The following VWA8 variants were observed in gnomAD, a reference collection of about 807,000 sequenced individuals.
The protein encoded by VWA8 is von Willebrand factor A domain containing 8.
VWA8 carries 221 observed loss-of-function variants against 241.5 expected under a neutral mutation model. The observed-to-expected ratio is 0.91, with a 90% CI of 0.82 to 1.02. The LOEUF (loss-of-function observed/expected upper bound fraction) is 1.02. VWA8 is among the 50% of genes least tolerant of loss of function. The pLI is 0.00. For synonymous variants in VWA8, 852 were observed against 827.1 expected, an observed-to-expected ratio of 1.03 and a Z score of -0.52; for missense variants, 2,322 against 2,328.7, an observed-to-expected ratio of 1.00 and a Z score of 0.06.
intron 20 of VWA8, 47 bp downstream of exon 20, chr13:41,777,938 G>T (rs747407469): frequency 1.4e-6 from 2 of 1,474,662 alleles, no homozygotes; most frequent in Non-Finnish European, 1.9e-6. Context: ...CTTTTAAATT[G>T]TTACTATCAT....
intron 21 of VWA8, among the ~76,000 whole-genome samples, chr13:41,739,452 A>T (rs966781158): frequency 6.6e-6 from 1 of 152,220 alleles, no homozygotes; most frequent in Non-Finnish European, 1.5e-5. Context: ...AACTTACTAT[A>T]TAAGTTGCAT....
chr13:41,833,622 C>G, intron 12 of VWA8, 91 bp from the exon 13 acceptor site: 1 of 1,356,820 alleles, frequency 7.4e-7, no homozygotes, highest in South Asian at 1.8e-5. Context: ...AGAGTCACCT[C>G]CGTCTGAACT....
intron 37 of VWA8, among the ~76,000 whole-genome samples, chr13:41,670,690 T>C (rs771270936): frequency 1.1e-4 from 16 of 152,210 alleles, no homozygotes; most frequent in Non-Finnish European, 2.1e-4. Flanking sequence ...TAAAAGCTGC[T>C]GATTGTATTC....
intron 12 of VWA8, among the ~76,000 whole-genome samples, chr13:41,855,655 C>G (rs1018409795): frequency 6.6e-6 from 1 of 151,926 alleles, no homozygotes; most frequent in Non-Finnish European, 1.5e-5. Context: ...CAGTGGTTGC[C>G]AGGGGCTGGG....
chr13:41,685,841 C>T (rs2045132702), intron 34 of VWA8, among the ~76,000 whole-genome samples: 1 of 152,080 alleles, frequency 6.6e-6, no homozygotes. Flanking sequence ...CTAGATTTAA[C>T]TCTTCTGGAA....
chr13:41,829,530 T>TACACACACAC (rs71096546), intron 14 of VWA8, among the ~76,000 whole-genome samples: 247 of 139,824 alleles, frequency 1.8e-3, no homozygotes, highest in East Asian at 0.012. Flanking sequence ...GGAAATGTGA[T>TACACACACAC]ACACACACAC....
intron 17 of VWA8, among the ~76,000 whole-genome samples, chr13:41,798,989 TTC>T (rs1431941667): frequency 6.6e-6 from 1 of 152,210 alleles, no homozygotes; most frequent in South Asian, 2.1e-4. Flanking sequence ...ATTGAAAAAG[TTC>T]TGTTTGTTTG....
intron 9 of VWA8, among the ~76,000 whole-genome samples, chr13:41,880,955 T>C (rs1874141719): frequency 6.6e-6 from 1 of 152,180 alleles, no homozygotes; most frequent in Admixed American, 6.5e-5. Context: ...CTAAATTAAC[T>C]GCCACTCTGA....
chr13:41,768,949 G>A (rs1355077078), intron 20 of VWA8, among the ~76,000 whole-genome samples: 1 of 147,796 alleles, frequency 6.8e-6, no homozygotes, highest in African/African-American at 2.5e-5. Context: ...TACTGCCCAC[G>A]CTGGAGTTAG....
rs189232529 is a variant in VWA8 at position 41,852,229 on chromosome 13, C to G, written c.1425+13507G>C. 3.9e-5 allele frequency among the ~76,000 whole-genome samples: 6 copies of G among 152,210 alleles called. No homozygotes were observed. The East Asian group carries it at 1.2e-3, about 29-fold the overall frequency. ...ACCTGTTGGCCATTTGTATGTCCAA[C>G]AAGTATATTTTAAAATGCCTGAGAA... On this transcript the variant is annotated intron_variant, in intron 12 of 44. Transcript: ENST00000379310.
intron 37 of VWA8, among the ~76,000 whole-genome samples, chr13:41,646,033 C>G (rs1463871601): frequency 6.7e-6 from 1 of 148,640 alleles, no homozygotes; most frequent in East Asian, 2.0e-4. Context: ...ATGGCACAAT[C>G]TAGGCTTACC....
intron 2 of VWA8, among the ~76,000 whole-genome samples, chr13:41,941,361 TA>T (rs1877588973): frequency 6.6e-6 from 1 of 152,222 alleles, no homozygotes; most frequent in Admixed American, 6.5e-5. Flanking sequence ...AAGGAATGAC[TA>T]ATGCTATCCT....
intron 40 of VWA8, among the ~76,000 whole-genome samples, chr13:41,601,563 G>C (rs1453883150): frequency 6.6e-6 from 1 of 152,116 alleles, no homozygotes; most frequent in Non-Finnish European, 1.5e-5. Context: ...TTAAAATCAA[G>C]TGGTTTTTTG....
chr13:41,592,210 G>A lies in VWA8; in HGVS notation c.4987-1445C>T, dbSNP rs1330193429. ...AAATCATCATTCTCAGTAAACTATC[G>A]CAAGAACAAAAAACCAAACACCGCA... On this transcript the variant is annotated intron_variant, in intron 40 of 44. Transcript: ENST00000379310. Among the ~76,000 whole-genome samples, 13 of 137,846 alleles carry A rather than the reference G, an allele frequency of 9.4e-5. No homozygotes were observed. In the East Asian group the frequency reaches 1.1e-3, roughly 12 times the overall value. The allele number at this position is 137,846 out of a possible 152,430, so 90.4% of individuals were successfully genotyped here. A position where few individuals can be genotyped will look rare whatever the true frequency, so the allele number is the denominator to read the frequency against.
intron 22 of VWA8, 135 bp from the exon 23 acceptor site, chr13:41,729,812 C>G: frequency 2.0e-6 from 1 of 507,012 alleles, no homozygotes; most frequent in East Asian, 3.7e-5. Context: ...CACACACACA[C>G]ACACACACAC....
chr13:41,890,186 A>G (rs1874762724), intron 5 of VWA8, among the ~76,000 whole-genome samples: 2 of 152,246 alleles, frequency 1.3e-5, no homozygotes, highest in Non-Finnish European at 2.9e-5. Flanking sequence ...CATCAGTTCA[A>G]TCAGACCCTC....
At chr13:41,947,762 C>T (rs1292001801) in intron 2 of VWA8, among the ~76,000 whole-genome samples, 2 of 151,604 alleles carry the variant, frequency 1.3e-5, no homozygotes, top group Admixed American at 6.6e-5. Context: ...TGGTGAAACC[C>T]CATCTCTACC....
At chr13:41,703,253 C>CA in intron 27 of VWA8, 50 bp downstream of exon 27, 1 of 1,490,416 alleles carries the variant, frequency 6.7e-7, no homozygotes, top group Non-Finnish European at 9.3e-7. Context: ...GAAGATACAG[C>CA]AAAATTTATA....
chr13:41,895,074 A>G (rs1875033670), intron 4 of VWA8, among the ~76,000 whole-genome samples: 1 of 152,126 alleles, frequency 6.6e-6, no homozygotes, highest in Admixed American at 6.6e-5. Context: ...AGAAAAGAGA[A>G]CGTATAATTA....
Sources: allele counts gnomAD v4.1 joint callset (sites outside exome capture counted in the v4.1 genomes callset), GRCh38; gene constraint gnomAD v4.1.1; transcripts MANE v1.5; gene names NCBI Gene and HGNC (gene_info 2026-07-23, HGNC 2026-07-21).